Variants in PABPC4L observed in about 807,000 individuals in gnomAD.
The protein encoded by PABPC4L is polyadenylate-binding protein 4-like.
For missense variants in PABPC4L, 452 were observed against 451.4 expected, an observed-to-expected ratio of 1.00 and a Z score of -0.01; for synonymous variants, 169 against 164.1, an observed-to-expected ratio of 1.03 and a Z score of -0.23.
At chr4:134,101,222 G>A in the PABPC4L span, among the ~76,000 whole-genome samples, 1 of 151,386 alleles carries the variant, frequency 6.6e-6, no homozygotes, top group African/African-American at 2.4e-5. Context: ...AAAGATGGAG[G>A]CGCATTTAAC....
At chr4:134,108,986 T>C in the PABPC4L span, among the ~76,000 whole-genome samples, 1 of 152,074 alleles carries the variant, frequency 6.6e-6, no homozygotes, top group African/African-American at 2.4e-5. Context: ...AGTATCAAGT[T>C]TGATAAATAA....
the PABPC4L span, among the ~76,000 whole-genome samples, chr4:134,082,731 A>T: frequency 3.9e-5 from 6 of 152,006 alleles, no homozygotes; most frequent in East Asian, 1.2e-3. Flanking sequence ...TCTCTCCTCA[A>T]CCTTACATCA....
chr4:133,987,199 C>A, the PABPC4L span, among the ~76,000 whole-genome samples: 4 of 152,128 alleles, frequency 2.6e-5, no homozygotes, highest in Non-Finnish European at 5.9e-5. Context: ...GCTCATATCA[C>A]ATTGTCCTGT....
At chr4:134,096,296 T>C in the PABPC4L span, among the ~76,000 whole-genome samples, 1 of 151,974 alleles carries the variant, frequency 6.6e-6, no homozygotes, top group African/African-American at 2.4e-5. Flanking sequence ...AAGATGATTG[T>C]GAGGGCACAA....
At chr4:134,091,307 T>A in the PABPC4L span, among the ~76,000 whole-genome samples, 1 of 152,042 alleles carries the variant, frequency 6.6e-6, no homozygotes, top group Non-Finnish European at 1.5e-5. Flanking sequence ...GCAGTTTTTT[T>A]TTTATACGAA....
chr4:133,967,960 G>A, the PABPC4L span, among the ~76,000 whole-genome samples: 2 of 152,156 alleles, frequency 1.3e-5, no homozygotes, highest in Admixed American at 6.5e-5. Flanking sequence ...TTCTCTGGCT[G>A]AGTTTAATAT....
chr4:134,098,005 A>C, the PABPC4L span, among the ~76,000 whole-genome samples: 1 of 151,778 alleles, frequency 6.6e-6, no homozygotes, highest in East Asian at 1.9e-4. Context: ...AATTATATTA[A>C]ATGAGATCTT....
At chr4:134,174,782 CATTT>C in the PABPC4L span, among the ~76,000 whole-genome samples, 10 of 151,900 alleles carry the variant, frequency 6.6e-5, no homozygotes, top group Admixed American at 3.3e-4. Context: ...TTTTAGAGTT[CATTT>C]ATTTCTAAGA....
rs1359772991 is a variant in PABPC4L at position 134,198,339 on chromosome 4, T to A, written c.*1568A>T. The A allele has an allele frequency of 1.3e-5, 2 of 151,702 alleles. No homozygotes were observed. Among genetic ancestry groups the A allele is most frequent in the Non-Finnish European group, 3.0e-5 (2 of 67,694 alleles). 9.4% of individuals were successfully genotyped at this position (151,702 alleles called of 1,614,324 possible). A position where few individuals can be genotyped will look rare whatever the true frequency, so the allele number is the denominator to read the frequency against. Reference sequence around the variant, plus strand: ...ACAATTATATGCAAATTCTTTTAATTTTTTCATTGTCCATAATTTTTTATG... The same window carrying A: ...ACAATTATATGCAAATTCTTTTAATATTTTCATTGTCCATAATTTTTTATG... On this transcript the variant is annotated 3_prime_UTR_variant, in exon 2 of 2. Transcript: ENST00000421491.
At chr4:134,180,071 C>T in the PABPC4L span, among the ~76,000 whole-genome samples, 1 of 152,090 alleles carries the variant, frequency 6.6e-6, no homozygotes, top group Non-Finnish European at 1.5e-5. Flanking sequence ...CAGGACTCTT[C>T]ATCCAAAAAC....
the PABPC4L span, among the ~76,000 whole-genome samples, chr4:134,085,347 T>G: frequency 6.6e-6 from 1 of 152,276 alleles, no homozygotes; most frequent in Non-Finnish European, 1.5e-5. Context: ...TACATGTACA[T>G]AAAATACACA....
the PABPC4L span, among the ~76,000 whole-genome samples, chr4:134,114,675 G>T: frequency 6.6e-6 from 1 of 151,734 alleles, no homozygotes; most frequent in Non-Finnish European, 1.5e-5. Flanking sequence ...AAGTCTATTC[G>T]TTGGGTTTGG....
chr4:134,157,250 C>T, the PABPC4L span, among the ~76,000 whole-genome samples: 1 of 150,400 alleles, frequency 6.6e-6, no homozygotes, highest in Non-Finnish European at 1.5e-5. Context: ...ATTCAAAATT[C>T]ACAGAATGCT....
chr4:134,068,894 G>A, the PABPC4L span, among the ~76,000 whole-genome samples: 1 of 151,944 alleles, frequency 6.6e-6, no homozygotes, highest in Non-Finnish European at 1.5e-5. Context: ...ATTTTTAATA[G>A]AGACGAGGTT....
At chr4:133,951,003 G>A in the PABPC4L span, among the ~76,000 whole-genome samples, 8 of 152,318 alleles carry the variant, frequency 5.3e-5, no homozygotes, top group Admixed American at 2.0e-4. Context: ...AGGAGCTTTA[G>A]GGACTGGTTA....
At chr4:134,124,615 C>T in the PABPC4L span, among the ~76,000 whole-genome samples, 1 of 152,142 alleles carries the variant, frequency 6.6e-6, no homozygotes, top group East Asian at 1.9e-4. Flanking sequence ...CAGCAGTAGG[C>T]ATTCTTCCAG....
chr4:134,143,270 C>A, the PABPC4L span, among the ~76,000 whole-genome samples: 365 of 149,602 alleles, frequency 2.4e-3, 2 homozygotes, highest in African/African-American at 8.3e-3. Context: ...TAATAATAAG[C>A]ATACTAAATA....
the PABPC4L span, among the ~76,000 whole-genome samples, chr4:134,101,274 T>C: frequency 6.6e-6 from 1 of 151,586 alleles, no homozygotes; most frequent in African/African-American, 2.4e-5. Flanking sequence ...GTTATCAGTA[T>C]TTGCATTTTG....
the PABPC4L span, among the ~76,000 whole-genome samples, chr4:133,976,766 G>T: frequency 6.6e-6 from 1 of 152,052 alleles, no homozygotes; most frequent in Admixed American, 6.6e-5. Flanking sequence ...CTTCTTTTGA[G>T]AAATATCTGT....
Sources: allele counts gnomAD v4.1 joint callset (sites outside exome capture counted in the v4.1 genomes callset), GRCh38; gene constraint gnomAD v4.1.1; transcripts MANE v1.5; gene names NCBI Gene and HGNC (gene_info 2026-07-23, HGNC 2026-07-21).